PTPRD: variants seen among roughly 807,000 people sequenced by gnomAD.
PTPRD encodes the protein protein tyrosine phosphatase receptor type D.
A neutral mutation model predicts 214.5 loss-of-function variants in PTPRD; 34 were observed. The ratio of observed to expected loss-of-function variants is 0.16; its 90% CI spans 0.12 to 0.21. The LOEUF (loss-of-function observed/expected upper bound fraction) is 0.21, where lower values mean the gene tolerates loss of function less well. Ranked by LOEUF, PTPRD falls within the 10% of genes least tolerant of loss-of-function variation. The pLI, the probability that PTPRD is intolerant of heterozygous loss-of-function variation, is 1.00. For synonymous variants in PTPRD, 1,128 were observed against 845.7 expected (o/e 1.33, Z -5.79); for missense variants, 2,545 against 2,398.7 (o/e 1.06, Z -1.27).
chr9:10,148,957 A>G (rs1215748498), intron 3 of PTPRD, among the ~76,000 whole-genome samples: 1 of 152,200 alleles, frequency 6.6e-6, no homozygotes, highest in Non-Finnish European at 1.5e-5. Context: ...AGAGAGTGTG[A>G]TATGTGAGAA....
At chr9:9,682,121 A>C (rs143592642) in intron 7 of PTPRD, among the ~76,000 whole-genome samples, 11 of 151,934 alleles carry the variant, frequency 7.2e-5, no homozygotes, top group Non-Finnish European at 1.5e-4. Context: ...ATTGTTTAAC[A>C]CAAACCTGGC....
chr9:8,633,554 A>G (rs2154321364), intron 13 of PTPRD, 96 bp from the exon 14 acceptor site: 2 of 1,369,886 alleles, frequency 1.5e-6, no homozygotes, highest in Non-Finnish European at 1.0e-6. Flanking sequence ...CATTAGGCTC[A>G]TAATAAACTA....
intron 38 of PTPRD, among the ~76,000 whole-genome samples, chr9:8,376,309 T>C (rs1351913143): frequency 2.0e-5 from 3 of 152,112 alleles, no homozygotes; most frequent in East Asian, 1.9e-4. Context: ...AGAAGCATTA[T>C]ATTTTTCAGG....
At chr9:8,809,564 G>A (rs1454295204) in intron 11 of PTPRD, among the ~76,000 whole-genome samples, 1 of 152,116 alleles carries the variant, frequency 6.6e-6, no homozygotes, top group East Asian at 1.9e-4. Flanking sequence ...ACTTCTTAAA[G>A]ATTTAGTCCT....
At chr9:8,848,502 ATAT>A (rs571824809) in intron 11 of PTPRD, among the ~76,000 whole-genome samples, 4 of 90,862 alleles carry the variant, frequency 4.4e-5, no homozygotes, top group African/African-American at 1.1e-4. Flanking sequence ...TATCTGGCAA[ATAT>A]TTTTTTTTTT....
chr9:9,972,836 C>A (rs2095188444), intron 4 of PTPRD, among the ~76,000 whole-genome samples: 1 of 152,072 alleles, frequency 6.6e-6, no homozygotes, highest in Admixed American at 6.5e-5. Context: ...TGAGCCTCTG[C>A]CTCTTTCTTA....
chr9:9,224,308 A>G (rs934131753), intron 9 of PTPRD, among the ~76,000 whole-genome samples: 1 of 152,002 alleles, frequency 6.6e-6, no homozygotes, highest in African/African-American at 2.4e-5. Context: ...TATTATGTGT[A>G]TGGGGAGGGA....
intron 10 of PTPRD, among the ~76,000 whole-genome samples, chr9:9,132,962 A>G (rs1357687717): frequency 6.6e-6 from 1 of 152,242 alleles, no homozygotes; most frequent in African/African-American, 2.4e-5. Flanking sequence ...ATAAAGTCCA[A>G]TGCAGGAAAC....
chr9:9,132,792 C>G (rs58580512), intron 10 of PTPRD, among the ~76,000 whole-genome samples: 4,481 of 152,234 alleles, frequency 0.029, 177 homozygotes, highest in African/African-American at 0.089. Flanking sequence ...CTACACAACA[C>G]TAATACTTGT....
intron 7 of PTPRD, among the ~76,000 whole-genome samples, chr9:9,656,247 C>T (rs916740397): frequency 2.6e-5 from 4 of 151,982 alleles, no homozygotes; most frequent in African/African-American, 7.2e-5. Context: ...ACCTACCATA[C>T]GTTCACATTC....
intron 2 of PTPRD, among the ~76,000 whole-genome samples, chr9:10,570,694 T>G (rs2067146751): frequency 6.6e-6 from 1 of 152,180 alleles, no homozygotes; most frequent in Admixed American, 6.5e-5. Context: ...ACTCCCTCCT[T>G]TGCCTGAAAA....
chr9:9,420,029 A>AAT (rs909360045), intron 8 of PTPRD, among the ~76,000 whole-genome samples: 13 of 151,680 alleles, frequency 8.6e-5, no homozygotes, highest in South Asian at 2.1e-4. Flanking sequence ...TTACAGAAAA[A>AAT]ATATATATAT....
At chr9:8,642,189 C>T (rs903960247) in intron 12 of PTPRD, among the ~76,000 whole-genome samples, 10 of 152,180 alleles carry the variant, frequency 6.6e-5, no homozygotes, top group African/African-American at 1.4e-4. Flanking sequence ...GAAAGGATCA[C>T]ATGCTACAAA....
chr9:8,341,987 A>G lies in PTPRD; in HGVS notation c.4662-9T>C. The G allele has an allele frequency of 6.3e-7, 1 of 1,582,698 alleles. No individual in the cohort carries two copies. The highest frequency in any genetic ancestry group is 2.3e-5 in the East Asian group (1 of 44,424). On this transcript the variant is annotated splice_polypyrimidine_tract_variant and intron_variant, in intron 39 of 45. Transcript: ENST00000381196. Reference sequence around the variant, plus strand: ...TCCGGCCAACTCCCGCACTATGAGGAAAATAGAGAAGAAAAGCCCAAATAA... The same window carrying G: ...TCCGGCCAACTCCCGCACTATGAGGGAAATAGAGAAGAAAAGCCCAAATAA...
chr9:8,530,398 C>T lies in PTPRD; in HGVS notation c.353-1619G>A, dbSNP rs1007345330. ...CATGTTTGCTGGGTACTCCGTGCTT[C>T]TAGGAAGCCACGCAGCCAAAGTCAC... On this transcript the variant is annotated intron_variant, in intron 14 of 45. Transcript: ENST00000381196. Among the ~76,000 whole-genome samples, 3 of 152,100 alleles carry T rather than the reference C, an allele frequency of 2.0e-5. No homozygotes were observed. The East Asian group carries it at 5.8e-4, about 29-fold the overall frequency.
intron 11 of PTPRD, among the ~76,000 whole-genome samples, chr9:8,736,651 GAT>G (rs2090478289): frequency 6.6e-6 from 1 of 150,690 alleles, no homozygotes; most frequent in Non-Finnish European, 1.5e-5. Context: ...ATGCAGGAAA[GAT>G]AAAACTAAAA....
At chr9:8,514,053 T>G (rs571984148) in intron 21 of PTPRD, among the ~76,000 whole-genome samples, 35 of 152,260 alleles carry the variant, frequency 2.3e-4, no homozygotes, top group African/African-American at 8.2e-4. Flanking sequence ...TGTCATTAAA[T>G]TAAATCAGAG....
intron 7 of PTPRD, among the ~76,000 whole-genome samples, chr9:9,716,352 C>T (rs1048973474): frequency 2.0e-5 from 3 of 151,388 alleles, no homozygotes; most frequent in African/African-American, 7.3e-5. Flanking sequence ...GATTTATAGT[C>T]CTTTGGGTAT....
At chr9:8,466,798 T>C (rs540023760) in intron 31 of PTPRD, among the ~76,000 whole-genome samples, 12 of 151,992 alleles carry the variant, frequency 7.9e-5, no homozygotes, top group Non-Finnish European at 1.3e-4. Flanking sequence ...AAGATACTTA[T>C]GGAAACAGTG....
Sources: gnomAD v4.1 joint callset for allele counts (sites outside exome capture counted in the v4.1 genomes callset) on GRCh38, gnomAD v4.1.1 for gene constraint, MANE v1.5 for transcripts, NCBI Gene and HGNC (gene_info 2026-07-23, HGNC 2026-07-21) for gene names.